SCUBE1: variants seen among roughly 807,000 people sequenced by gnomAD.
The protein encoded by SCUBE1 is signal peptide, CUB and EGF-like domain-containing protein 1.
Under a neutral mutation model 124.4 loss-of-function variants are expected in SCUBE1, and 59 were observed. The observed-to-expected ratio is 0.47, with a 90% CI of 0.38 to 0.59. The LOEUF (loss-of-function observed/expected upper bound fraction) is 0.59, where lower values mean the gene tolerates loss of function less well. Among genes scored for constraint, SCUBE1 ranks in the 20% least tolerant of loss-of-function variants. The pLI is 0.00. For missense variants in SCUBE1, 1,150 were observed against 1,371.2 expected (o/e 0.84, Z 2.55); for synonymous variants, 545 against 550.9 (o/e 0.99, Z 0.15).
At chr22:43,235,305 G>A (rs5996296) in intron 7 of SCUBE1, among the ~76,000 whole-genome samples, 64 of 152,164 alleles carry the variant, frequency 4.2e-4, no homozygotes, top group African/African-American at 1.3e-3. Context: ...CTATAGGGAC[G>A]CACAGGACAC....
chr22:43,244,794 T>C (rs1923140854), intron 6 of SCUBE1, among the ~76,000 whole-genome samples: 1 of 152,236 alleles, frequency 6.6e-6, no homozygotes, highest in East Asian at 1.9e-4. Context: ...GGGTCTGGCA[T>C]GGGCCCAGCG....
At chr22:43,260,791 C>T (rs1923842239) in intron 5 of SCUBE1, among the ~76,000 whole-genome samples, 1 of 152,220 alleles carries the variant, frequency 6.6e-6, no homozygotes, top group Non-Finnish European at 1.5e-5. Flanking sequence ...AAGGGTTGAG[C>T]CCTTCCCTGG....
In SCUBE1 at chr22:43,200,150, T is replaced by C. The variant is rs1920980867; in HGVS notation, c.*3847A>G. 6.6e-6 allele frequency: 1 copy of C among 152,266 alleles called. No homozygotes were observed. The highest frequency in any genetic ancestry group is 2.1e-4 in the South Asian group (1 of 4,830). The allele number at this position is 152,266 out of a possible 1,614,324, so 9.4% of individuals were successfully genotyped here. A position where few individuals can be genotyped will look rare whatever the true frequency, so the allele number is the denominator to read the frequency against. ...TGGTTCCCTGGGGTGCCATGCTCCA[T>C]TAGGAGCTGACCCAAGCTCAGAGGA... is the stretch of plus-strand genomic sequence containing the variant. On this transcript the variant is annotated 3_prime_UTR_variant, in exon 22 of 22. Transcript: ENST00000360835.
At chr22:43,323,166 T>G (rs1487875956) in intron 2 of SCUBE1, among the ~76,000 whole-genome samples, 1 of 152,206 alleles carries the variant, frequency 6.6e-6, no homozygotes, top group Non-Finnish European at 1.5e-5. Flanking sequence ...GAGAAAGTAC[T>G]ATCCAATCAT....
intron 4 of SCUBE1, among the ~76,000 whole-genome samples, chr22:43,268,029 T>C (rs1924143062): frequency 6.6e-6 from 1 of 152,178 alleles, no homozygotes; most frequent in African/African-American, 2.4e-5. Context: ...CCCTCTGCTG[T>C]GAGCTTGGAA....
Position 43,291,035 on chromosome 22 carries a change from G to C in SCUBE1, c.484+11C>G. 6.3e-7 allele frequency: 1 copy of C among 1,597,970 alleles called. No individual in the cohort carries two copies. Among genetic ancestry groups the C allele is most frequent in the Non-Finnish European group, 8.5e-7 (1 of 1,169,714 alleles). ...GGGGGGACATGCCTGGTCAGCATAG[G>C]CTGTACTCACCATTGGAGCGGTGGA... On this transcript the variant is annotated intron_variant, in intron 4 of 21. Transcript: ENST00000360835.
chr22:43,241,204 A>G (rs1188457328), intron 6 of SCUBE1, among the ~76,000 whole-genome samples: 1 of 152,144 alleles, frequency 6.6e-6, no homozygotes, highest in Non-Finnish European at 1.5e-5. Context: ...GCCTCAGTCT[A>G]TGGCTGGTAT....
rs569514786 is a variant in SCUBE1 at position 43,228,713 on chromosome 22, CCT to C, written c.1084+357_1084+358del. Among the ~76,000 whole-genome samples, 1,143 of 152,334 alleles carry C rather than the reference CCT, an allele frequency of 7.5e-3. 15 individuals are homozygous for C. Among genetic ancestry groups the C allele is most frequent in the African/African-American group, 0.026 (1,060 of 41,562 alleles). ...TCCCGAATTGCCCCTCTACTCTGCC[CCT>C]CTCTGCTGTGAGCCTCCCTGGAACG... On this transcript the variant is annotated intron_variant, in intron 9 of 21. Coordinates refer to ENST00000360835, the MANE Select transcript of SCUBE1 (RefSeq NM_173050.5).
At position 43,203,589 on chromosome 22, in the gene SCUBE1, G is replaced by C. The variant is rs935256116; in HGVS notation, c.*408C>G. On this transcript the variant is annotated 3_prime_UTR_variant, in exon 22 of 22. Coordinates refer to ENST00000360835, the MANE Select transcript of SCUBE1 (RefSeq NM_173050.5). ...AGCACAGGCTCATCGACCTCCCCCAGACGGCGCCTTTGTCCCCTCCTCTCT... is the reference window on the plus strand; with the variant it reads ...AGCACAGGCTCATCGACCTCCCCCACACGGCGCCTTTGTCCCCTCCTCTCT... 25 of 168,798 alleles carry C rather than the reference G, an allele frequency of 1.5e-4. No homozygotes were observed. The highest frequency in any genetic ancestry group is 4.7e-4 in the Admixed American group (8 of 17,022). The allele number at this position is 168,798 out of a possible 1,614,324, so 10.5% of individuals were successfully genotyped here. A position where few individuals can be genotyped will look rare whatever the true frequency, so the allele number is the denominator to read the frequency against.
chr22:43,271,707 G>A (rs1382377691), intron 4 of SCUBE1, among the ~76,000 whole-genome samples: 3 of 152,086 alleles, frequency 2.0e-5, no homozygotes, highest in African/African-American at 7.2e-5. Flanking sequence ...TGGCGGTCCC[G>A]GACTAGACCC....
At position 43,229,183 on chromosome 22, in the gene SCUBE1, C is replaced by G. The variant is rs375232454; in HGVS notation, c.973G>C (p.Asp325His). The G allele has an allele frequency of 6.2e-7, 1 of 1,610,464 alleles. No individual in the cohort carries two copies. The highest frequency in any genetic ancestry group is 8.5e-7 in the Non-Finnish European group (1 of 1,177,750). Residue 325 changes from aspartate (D) to histidine (H), a missense_variant, in exon 9 of 22, where the codon GAC becomes CAC. By Grantham distance (81) the Asp-to-His change is moderately conservative (BLOSUM62 -1). Around this residue, in one of 3 missense-constraint regions of SCUBE1, gnomAD observed 337 missense variants for 482.1 expected, o/e 0.70. Transcript: ENST00000360835. Reference sequence around the variant, plus strand: ...CAGGTCCGCTCGAAGGAGCACTCGTCGATGTCTGCGTGGCCACAGGGAGAC... The same window carrying G: ...CAGGTCCGCTCGAAGGAGCACTCGTGGATGTCTGCGTGGCCACAGGGAGAC... ...LTDERTCQDI[D>H]ECSFERTCDH...
intron 4 of SCUBE1, among the ~76,000 whole-genome samples, chr22:43,281,455 TC>T (rs1200338302): frequency 1.9e-5 from 1 of 53,628 alleles, no homozygotes; most frequent in Non-Finnish European, 3.0e-5. Flanking sequence ...TCCTGTCATC[TC>T]CCTCAGCCAC....
intron 6 of SCUBE1, among the ~76,000 whole-genome samples, chr22:43,252,584 C>T (rs564893206): frequency 6.6e-6 from 1 of 152,316 alleles, no homozygotes; most frequent in South Asian, 2.1e-4. Context: ...GCCTGTCCTA[C>T]CCTTCTCCCC....
intron 14 of SCUBE1, 29 bp downstream of exon 14, chr22:43,220,421 A>G: frequency 6.2e-7 from 1 of 1,608,100 alleles, no homozygotes; most frequent in Non-Finnish European, 8.5e-7. Flanking sequence ...TCAGGCCTGC[A>G]GAAGCCCCCA....
Position 43,207,487 on chromosome 22 carries a change from G to T in SCUBE1, c.2814+47C>A, listed in dbSNP as rs537724638. The T allele has an allele frequency of 7.1e-4, 1,030 of 1,450,752 alleles. 16 individuals carry two copies. The South Asian group carries it at 0.011, about 16-fold the overall frequency. 89.9% of individuals were successfully genotyped at this position (1,450,752 alleles called of 1,614,324 possible). A position where few individuals can be genotyped will look rare whatever the true frequency, so the allele number is the denominator to read the frequency against. On this transcript the variant is annotated intron_variant, in intron 21 of 21. Transcript: ENST00000360835. ...CAGGGGCGGTCCTGGCTCATCACAGGCCCCATCCCAGGGTTACGTGGATTC... is the reference window on the plus strand; with the variant it reads ...CAGGGGCGGTCCTGGCTCATCACAGTCCCCATCCCAGGGTTACGTGGATTC...
chr22:43,246,317 G>T (rs376683245), intron 6 of SCUBE1, among the ~76,000 whole-genome samples: 1 of 152,158 alleles, frequency 6.6e-6, no homozygotes, highest in African/African-American at 2.4e-5. Context: ...CATCATGGCC[G>T]TGCCCCAGGA....
In SCUBE1 at chr22:43,267,141, A is replaced by G. The variant is rs114123601; in HGVS notation, c.485-4296T>C. Among the ~76,000 whole-genome samples the G allele has an allele frequency of 3.3e-3, 496 of 152,146 alleles. 1 individual carries two copies. The highest frequency in any genetic ancestry group is 0.011 in the African/African-American group (445 of 41,518). The stretch of plus-strand genomic sequence containing the variant: ...ATTCTGCCTCGTAGGAAATCGGAAT[A>G]GTTGCTTCCGTCACACTCTTTCCTG... On this transcript the variant is annotated intron_variant, in intron 4 of 21. Transcript: ENST00000360835.
intron 15 of SCUBE1, among the ~76,000 whole-genome samples, chr22:43,216,869 C>T (rs1393233165): frequency 8.6e-6 from 1 of 116,578 alleles, no homozygotes; most frequent in Non-Finnish European, 1.8e-5. Context: ...CCCCACCCAC[C>T]CCCCGCCAGG....
In SCUBE1 at chr22:43,211,075, A is replaced by G. The variant is rs1601796402; in HGVS notation, c.2230T>C (p.Ser744Pro). ...GTGGTGTTGTAGTGGTGGCCGGGGG[A>G]GCAGTGCACTGCCGGGGGACACAAG... The part of the protein sequence containing the change: ...FQDCEAKVHC[S>P]PGHHYNTTTH... The change falls in exon 18 of 22, where the codon TCC (serine) becomes CCC (proline). Residue 744 changes from serine to proline, a missense_variant. Ser to Pro is a moderately conservative substitution (Grantham distance 74). Around this residue, in one of 3 missense-constraint regions of SCUBE1, gnomAD observed 757 missense variants for 840.9 expected, o/e 0.90. Transcript: ENST00000360835. This position sits in a 1 kb window ranked among gnomAD's most constrained non-coding sequence, Gnocchi z 4.5. 1.2e-6 allele frequency: 2 copies of G among 1,610,036 alleles called. No individual in the cohort carries two copies. The highest frequency in any genetic ancestry group is 1.7e-6 in the Non-Finnish European group (2 of 1,178,260).
Sources: gnomAD v4.1 joint callset for allele counts (sites outside exome capture counted in the v4.1 genomes callset) on GRCh38, gnomAD v4.1.1 for gene constraint, gnomAD v4.1.1 regional missense constraint, Gnocchi (gnomAD v3.1) non-coding constraint, MANE v1.5 for transcripts, NCBI Gene and HGNC (gene_info 2026-07-23, HGNC 2026-07-21) for gene names.